RTP2: variants seen among roughly 807,000 people sequenced by gnomAD.
RTP2 encodes the protein receptor-transporting protein 2.
In RTP2, 12 loss-of-function variants were observed where a neutral mutation model predicts 17.9. The ratio of observed to expected loss-of-function variants is 0.67; its 90% CI spans 0.43 to 1.09. RTP2 has a LOEUF of 1.09. Among genes scored for constraint, RTP2 ranks in the 50% least tolerant of loss-of-function variants. The pLI is 0.00. For synonymous variants in RTP2, 126 were observed against 117.7 expected (o/e 1.07, Z -0.46); for missense variants, 327 against 295.7 (o/e 1.11, Z -0.78).
chr3:187,710,538 C>CAT, the RTP2 span, among the ~76,000 whole-genome samples: 155 of 143,488 alleles, frequency 1.1e-3, no homozygotes, highest in Middle Eastern at 3.6e-3. Flanking sequence ...TGTATATGTG[C>CAT]ATATATATAT....
At chr3:187,712,622 AG>A in the RTP2 span, among the ~76,000 whole-genome samples, 1 of 152,182 alleles carries the variant, frequency 6.6e-6, no homozygotes, top group East Asian at 1.9e-4. Context: ...TGAAAATATC[AG>A]GAGGCATGAA....
chr3:187,714,847 G>A, the RTP2 span, among the ~76,000 whole-genome samples: 193 of 152,252 alleles, frequency 1.3e-3, no homozygotes, highest in Non-Finnish European at 2.2e-3. Context: ...TTTGGGAAAT[G>A]GTGAGCTTCT....
At chr3:187,698,292 C>T (rs1377790397) in exon 2 of RTP2, 2 of 565,308 alleles carry the variant, frequency 3.5e-6, no homozygotes, top group East Asian at 5.7e-5. Context: ...ACCCTTTTCC[C>T]CTTCCCCCAA....
At chr3:187,703,097 AG>A (rs1320763556), upstream of RTP2, among the ~76,000 whole-genome samples, 1 of 152,214 alleles carries the variant, frequency 6.6e-6, no homozygotes, top group Non-Finnish European at 1.5e-5. Context: ...TAGAAACCAG[AG>A]GGGAATCTGA....
At chr3:187,698,906 G>T (rs368190774) in exon 2 of RTP2, 14 of 1,611,032 alleles carry the variant, frequency 8.7e-6, no homozygotes, top group Non-Finnish European at 1.2e-5. Context: ...GCTTGAAGAC[G>T]CGCATGCGCA....
At chr3:187,712,627 G>A in the RTP2 span, among the ~76,000 whole-genome samples, 1 of 152,084 alleles carries the variant, frequency 6.6e-6, no homozygotes, top group Non-Finnish European at 1.5e-5. Context: ...ATATCAGGAG[G>A]CATGAATAAG....
the RTP2 span, among the ~76,000 whole-genome samples, chr3:187,708,747 T>C: frequency 1.3e-5 from 2 of 152,230 alleles, no homozygotes. Flanking sequence ...ACTTTACATA[T>C]ATTAATTCAT....
upstream of RTP2, among the ~76,000 whole-genome samples, chr3:187,704,326 C>T (rs1031176890): frequency 1.3e-5 from 2 of 152,032 alleles, no homozygotes; most frequent in Non-Finnish European, 2.9e-5. Flanking sequence ...GTAAGAAATG[C>T]CAGTGTGGAG....
Position 187,702,518 on chromosome 3 carries a change from AT to A in RTP2, c.-391del. 2.2e-6 allele frequency: 1 copy of A among 462,016 alleles called. No individual in the cohort carries two copies. Among genetic ancestry groups the A allele is most frequent in the Non-Finnish European group, 4.3e-6 (1 of 230,602 alleles). 28.6% of individuals were successfully genotyped at this position (462,016 alleles called of 1,614,324 possible). A position where few individuals can be genotyped will look rare whatever the true frequency, so the allele number is the denominator to read the frequency against. On this transcript the variant is annotated 5_prime_UTR_variant, in exon 1 of 2. In the 5' UTR this introduces an upstream ATG that the reference lacks. Transcript: ENST00000358241. Reference sequence around the variant, plus strand: ...TGCTTCACCCAACTGCTCTTCTAGCATTCTCCACATCATGTGCTATGGTAAG... The same window carrying A: ...TGCTTCACCCAACTGCTCTTCTAGCATCTCCACATCATGTGCTATGGTAAG...
the RTP2 span, among the ~76,000 whole-genome samples, chr3:187,709,602 G>C: frequency 6.6e-6 from 1 of 152,266 alleles, no homozygotes; most frequent in East Asian, 1.9e-4. Flanking sequence ...GGAGAATCGT[G>C]TGAACCCAGG....
upstream of RTP2, among the ~76,000 whole-genome samples, chr3:187,703,125 C>T (rs1434319450): frequency 6.6e-6 from 1 of 152,194 alleles, no homozygotes; most frequent in Non-Finnish European, 1.5e-5. Context: ...ATTTGGTAAT[C>T]CAAGTGAAGA....
chr3:187,704,686 C>A (rs570298861), upstream of RTP2, among the ~76,000 whole-genome samples: 7 of 152,290 alleles, frequency 4.6e-5, no homozygotes, highest in African/African-American at 1.4e-4. Flanking sequence ...TTCAAAGAAC[C>A]GTAGACGATG....
At chr3:187,698,675 G>C (rs766906109) in exon 2 of RTP2, 1 of 1,614,166 alleles carries the variant, frequency 6.2e-7, no homozygotes, top group Admixed American at 1.7e-5. Context: ...GCTTCTCGCT[G>C]GGCTTCCAGT....
chr3:187,699,071 A>T (rs1717776780), intron 1 of RTP2, 60 bp from the exon 2 acceptor site: 1 of 1,499,690 alleles, frequency 6.7e-7, no homozygotes, highest in Admixed American at 2.3e-5. Flanking sequence ...CTGCCCTGAG[A>T]AGCTCTGAGA....
At position 187,698,618 on chromosome 3, in the gene RTP2, C is replaced by CGGCTTGGAGGCTTCAGA; in HGVS notation, c.541_557dup (p.Arg187LeufsTer50). 6.2e-7 allele frequency: 1 copy of CGGCTTGGAGGCTTCAGA among 1,614,236 alleles called. No individual in the cohort carries two copies. The highest frequency in any genetic ancestry group is 8.5e-7 in the Non-Finnish European group (1 of 1,180,026). ...TGTAGCCGGATCCCGCCTGGGCCCT[C>CGGCTTGGAGGCTTCAGA]GGCTTGGAGGCTTCAGAGGTGTAGG... On this transcript the variant is annotated frameshift_variant, in exon 2 of 2. Transcript: ENST00000358241. LOFTEE classifies it high-confidence loss of function.
Position 187,698,763 on chromosome 3 carries a change from C to A in RTP2, c.413G>T (p.Arg138Leu), listed in dbSNP as rs748373154. The change falls in exon 2 of 2, where the codon CGC (arginine) becomes CTC (leucine). Residue 138 changes from arginine (R) to leucine (L), a missense_variant. Coordinates refer to ENST00000358241, the Ensembl canonical transcript of RTP2. ...GTCCGGGCGGCTGGCCACGTGGATG[C>A]GGTACTGGCCACCATCCTCCTCGTA... 6.2e-6 allele frequency: 10 copies of A among 1,613,846 alleles called. No homozygotes were observed. In the East Asian group the frequency reaches 1.6e-4, roughly 25 times the overall value.
At chr3:187,710,034 A>T in the RTP2 span, among the ~76,000 whole-genome samples, 6 of 152,152 alleles carry the variant, frequency 3.9e-5, no homozygotes, top group South Asian at 4.1e-4. Flanking sequence ...CAGCTATTTG[A>T]ACTGGTGAAT....
intron 1 of RTP2, 66 bp from the exon 2 acceptor site, chr3:187,699,077 T>C (rs1717776908): frequency 1.3e-5 from 19 of 1,486,454 alleles, no homozygotes; most frequent in Non-Finnish European, 1.5e-5. Context: ...TGAGAAGCTC[T>C]GAGAGGGAAA....
intron 1 of RTP2, among the ~76,000 whole-genome samples, chr3:187,700,116 A>G (rs1717808834): frequency 1.3e-5 from 2 of 152,110 alleles, no homozygotes; most frequent in Admixed American, 6.6e-5. Context: ...CTGATTAGGA[A>G]CTCAATTCAA....
Sources: allele counts gnomAD v4.1 joint callset (sites outside exome capture counted in the v4.1 genomes callset), GRCh38; gene constraint gnomAD v4.1.1; transcripts MANE v1.5; gene names NCBI Gene and HGNC (gene_info 2026-07-23, HGNC 2026-07-21).